LRP4: variants seen among roughly 807,000 people sequenced by gnomAD.
LRP4 encodes the protein low-density lipoprotein receptor-related protein 4.
LRP4 carries 95 observed loss-of-function variants against 220.3 expected under a neutral mutation model. That is an observed-to-expected ratio of 0.43 (90% CI 0.37 to 0.51). The LOEUF is 0.51. Among genes scored for constraint, LRP4 ranks in the 20% least tolerant of loss-of-function variants. The probability of loss-of-function intolerance (pLI) is 0.00; values close to 1 mark genes in which losing one functional copy is unlikely to be tolerated. For missense variants in LRP4, 1,925 were observed against 2,567.0 expected (o/e 0.75, Z 5.40); for synonymous variants, 903 against 954.6 (o/e 0.95, Z 1.00).
chr11:46,859,505 A>G (rs958537475), intron 37 of LRP4, among the ~76,000 whole-genome samples, 190 bp from the exon 38 acceptor site: 2 of 152,162 alleles, frequency 1.3e-5, no homozygotes, highest in African/African-American at 4.8e-5. Flanking sequence ...CAGCTGTGAT[A>G]ATTATTACCA....
intron 31 of LRP4, 51 bp downstream of exon 31, chr11:46,871,474 A>G: frequency 7.8e-7 from 1 of 1,287,354 alleles, no homozygotes; most frequent in Non-Finnish European, 1.1e-6. Flanking sequence ...TAGAACCCCA[A>G]AGAAACATCC....
At position 46,877,302 on chromosome 11, in the gene LRP4, G is replaced by A; in HGVS notation, c.3174C>T (p.Asp1058=). 2 of 1,614,134 alleles carry A rather than the reference G, an allele frequency of 1.2e-6. No individual in the cohort carries two copies. The highest frequency in any genetic ancestry group is 1.1e-5 in the South Asian group (1 of 91,080). ...GGATGTCCAGGGAGACCATGCGAAT[G>A]TCTATCCTCCTGGCGAAGATGAGGA... ...NSFLIFARRI[D]IRMVSLDIPY... Residue 1058 remains aspartate, a synonymous_variant, in exon 23 of 38, where the codon GAC becomes GAT. Transcript: ENST00000378623.
chr11:46,901,372 T>A (rs1210355471), intron 2 of LRP4, among the ~76,000 whole-genome samples: 1 of 152,228 alleles, frequency 6.6e-6, no homozygotes, highest in Non-Finnish European at 1.5e-5. Flanking sequence ...TACGTAACAC[T>A]CTGAGCAAGT....
chr11:46,914,990 C>T (rs1223135029), intron 1 of LRP4, among the ~76,000 whole-genome samples: 6 of 152,160 alleles, frequency 3.9e-5, no homozygotes, highest in Non-Finnish European at 1.5e-5. Flanking sequence ...TTTGCTGGCC[C>T]AGAAGATGGA....
rs564088864 is a variant in LRP4 at position 46,910,410 on chromosome 11, A to G, written c.53-7481T>C. On this transcript the variant is annotated intron_variant, in intron 1 of 37. Transcript: ENST00000378623. Reference sequence around the variant, plus strand: ...AGTTAATTCATAAGAAGGACTTAGCATTACTGCCTGGCACATACTAAGTGC... The same window carrying G: ...AGTTAATTCATAAGAAGGACTTAGCGTTACTGCCTGGCACATACTAAGTGC... Among the ~76,000 whole-genome samples, 3 of 152,346 alleles carry G rather than the reference A, an allele frequency of 2.0e-5. No individual in the cohort carries two copies. In the East Asian group the frequency reaches 5.8e-4, roughly 29 times the overall value.
At chr11:46,882,563 C>T (rs1191752555) in intron 19 of LRP4, among the ~76,000 whole-genome samples, 2 of 151,818 alleles carry the variant, frequency 1.3e-5, no homozygotes, top group African/African-American at 4.8e-5. Context: ...CCAGTAAGAA[C>T]AACATAGGCC....
At chr11:46,917,316 C>G (rs764322045) in intron 1 of LRP4, among the ~76,000 whole-genome samples, 1 of 152,222 alleles carries the variant, frequency 6.6e-6, no homozygotes, top group Admixed American at 6.5e-5. Context: ...ACTCCCGCCA[C>G]GATGAATAGC....
In LRP4 at chr11:46,876,576, G is replaced by A; in HGVS notation, c.3426C>T (p.Asp1142=). 3 of 1,614,178 alleles carry A rather than the reference G, an allele frequency of 1.9e-6. No individual in the cohort carries two copies. The highest frequency in any genetic ancestry group is 2.5e-6 in the Non-Finnish European group (3 of 1,180,044). ...CCACTTCAATCCGGTTTGTTCCCGT[G>A]TCTGTCCAGTATACTTTCCGGCCAA... ...DAIGRKVYWT[D]TGTNRIEVGN... Residue 1142 remains aspartate (D), a synonymous_variant, in exon 25 of 38, where the codon GAC becomes GAT. Coordinates refer to ENST00000378623, the MANE Select transcript of LRP4 (RefSeq NM_002334.4).
chr11:46,863,890 T>TA (rs1485404805), intron 36 of LRP4, among the ~76,000 whole-genome samples: 1 of 152,156 alleles, frequency 6.6e-6, no homozygotes, highest in Admixed American at 6.5e-5. Context: ...TGGTAACTGT[T>TA]ACGATGATGA....
chr11:46,893,438 A>G (rs1472803206), intron 12 of LRP4, among the ~76,000 whole-genome samples: 1 of 152,178 alleles, frequency 6.6e-6, no homozygotes, highest in Non-Finnish European at 1.5e-5. Context: ...CCCCCACTGC[A>G]CTGACCCAGG....
Position 46,899,954 on chromosome 11 carries a change from G to C in LRP4, c.339C>G (p.Asp113Glu). The change falls in exon 4 of 38, where the codon GAC becomes GAG. Residue 113 changes from aspartate to glutamate, a missense_variant. Coordinates refer to ENST00000378623, the MANE Select transcript of LRP4 (RefSeq NM_002334.4). The surrounding 1 kb of genome is among the most constrained non-coding windows in gnomAD (Gnocchi z 5.9). The part of the protein sequence containing the change: ...QDCPPRECEE[D>E]EFPCQNGYCI... ...AGTAGCCATTCTGGCAGGGAAACTC[G>C]TCCTCCTCACACTCCCGGGGGGCTG... 6.2e-7 allele frequency: 1 copy of C among 1,613,658 alleles called. No homozygotes were observed. The highest frequency in any genetic ancestry group is 8.5e-7 in the Non-Finnish European group (1 of 1,179,914).
chr11:46,912,793 CCAGA>C (rs1176223674), intron 1 of LRP4, among the ~76,000 whole-genome samples: 1 of 152,230 alleles, frequency 6.6e-6, no homozygotes, highest in Non-Finnish European at 1.5e-5. Flanking sequence ...TGCCCTACAC[CCAGA>C]CAGAGGGAGG....
intron 1 of LRP4, among the ~76,000 whole-genome samples, chr11:46,903,983 C>T (rs1941715824): frequency 6.6e-6 from 1 of 152,336 alleles, no homozygotes; most frequent in East Asian, 1.9e-4. Context: ...CCCAGCGTGC[C>T]CAGCAGGATG....
At chr11:46,894,545 A>AC in intron 12 of LRP4, 44 bp downstream of exon 12, 1 of 1,459,614 alleles carries the variant, frequency 6.9e-7, no homozygotes, top group Non-Finnish European at 9.4e-7. Context: ...GTTGCTGCGC[A>AC]TGTGGCATGG....
rs766720735 is a variant in LRP4 at position 46,864,472 on chromosome 11, A to G, written c.5219T>C (p.Val1740Ala). 6.2e-7 allele frequency: 1 copy of G among 1,613,854 alleles called. No homozygotes were observed. The stretch of plus-strand genomic sequence containing the variant: ...CCTGTACAGCATCAAAGCTGCAATC[A>G]CCACCAAAATCAGCAGAATACTGAG... ...GLLSILLILV[V>A]IAALMLYRHK... Residue 1740 changes from valine to alanine, a missense_variant, in exon 36 of 38, where the codon GTG becomes GCG. Transcript: ENST00000378623.
rs375220795 is a variant in LRP4, at chr11:46,873,180, C to G, written c.4503G>C (p.Leu1501Phe). The G allele has an allele frequency of 3.1e-6, 5 of 1,614,178 alleles. No individual in the cohort carries two copies. The highest frequency in any genetic ancestry group is 4.2e-6 in the Non-Finnish European group (5 of 1,180,044). ...GHIAKIERAN[L>F]DGSERKVLIN... is the part of the protein sequence containing the mutation. Reference sequence around the variant, plus strand: ...TGAGGACCTTCCGCTCAGAACCATCCAAGTTTGCCCGTTCGATCTTGGCAA... The same window carrying G: ...TGAGGACCTTCCGCTCAGAACCATCGAAGTTTGCCCGTTCGATCTTGGCAA... Residue 1501 changes from leucine (L) to phenylalanine (F), a missense_variant, in exon 30 of 38, where the codon TTG (leucine) becomes TTC (phenylalanine). Physicochemically the swap from Leu to Phe is conservative, Grantham distance 22 (BLOSUM62 0). This residue lies in a region of LRP4 where 1,244 missense variants were observed against 1,624.9 expected (regional missense o/e 0.77). Transcript: ENST00000378623. This position sits in a 1 kb window ranked among gnomAD's most constrained non-coding sequence, Gnocchi z 4.2.
At chr11:46,864,322 C>T in intron 36 of LRP4, 126 bp downstream of exon 36, 1 of 779,258 alleles carries the variant, frequency 1.3e-6, no homozygotes, top group Non-Finnish European at 2.3e-6. Context: ...CTGCCCTGAC[C>T]AGGCACCCAA....
chr11:46,882,488 A>G (rs1266599408), intron 19 of LRP4, among the ~76,000 whole-genome samples: 1 of 149,770 alleles, frequency 6.7e-6, no homozygotes, highest in Admixed American at 6.7e-5. Context: ...AAAAAAAAGA[A>G]AAAAACAAAA....
Position 46,899,346 on chromosome 11 carries a change from C to T in LRP4, c.547+41G>A. The T allele has an allele frequency of 1.3e-6, 2 of 1,484,950 alleles. No individual in the cohort carries two copies. The highest frequency in any genetic ancestry group is 1.9e-6 in the Non-Finnish European group (2 of 1,062,460). The allele number at this position is 1,484,950 out of a possible 1,614,324, so 92.0% of individuals were successfully genotyped here. ...CTTAGCCAATGGGCAGAACTGTCTG[C>T]CCTCATCCAACCCAACAGCCTGAGG... On this transcript the variant is annotated intron_variant, in intron 5 of 37. Coordinates refer to ENST00000378623, the MANE Select transcript of LRP4 (RefSeq NM_002334.4). This position sits in a 1 kb window ranked among gnomAD's most constrained non-coding sequence, Gnocchi z 5.9.
Sources: allele counts gnomAD v4.1 joint callset (sites outside exome capture counted in the v4.1 genomes callset), GRCh38; gene constraint gnomAD v4.1.1; regional missense constraint gnomAD v4.1.1; non-coding constraint Gnocchi (gnomAD v3.1); transcripts MANE v1.5; gene names NCBI Gene and HGNC (gene_info 2026-07-23, HGNC 2026-07-21).